FAM227B: variants seen among roughly 807,000 people sequenced by gnomAD.
FAM227B encodes protein FAM227B.
In FAM227B, 88 loss-of-function variants were observed where a neutral mutation model predicts 73.8. That is an observed-to-expected ratio of 1.19 (90% CI 1.00 to 1.42). The LOEUF is 1.42. Among genes scored for constraint, FAM227B ranks in the 40% most tolerant of loss-of-function variants. The pLI is 0.00. For synonymous variants in FAM227B, 210 were observed against 190.5 expected, an observed-to-expected ratio of 1.10 and a Z score of -0.84; for missense variants, 632 against 590.9, an observed-to-expected ratio of 1.07 and a Z score of -0.72.
chr15:49,421,207 T>G (rs2049599607), intron 11 of FAM227B, among the ~76,000 whole-genome samples: 1 of 152,242 alleles, frequency 6.6e-6, no homozygotes, highest in Non-Finnish European at 1.5e-5. Flanking sequence ...AAAGTTATTC[T>G]TAGTTCCTGG....
intron 11 of FAM227B, among the ~76,000 whole-genome samples, chr15:49,432,497 T>C (rs993273866): frequency 1.1e-4 from 16 of 151,694 alleles, no homozygotes; most frequent in Non-Finnish European, 2.2e-4. Context: ...ATAACACTCC[T>C]CCTCTCCCTC....
At position 49,577,674 on chromosome 15, in the gene FAM227B, A is replaced by G. The variant is rs746059928; in HGVS notation, c.406-10T>C. 6.6e-7 allele frequency: 1 copy of G among 1,526,430 alleles called. No individual in the cohort carries two copies. The highest frequency in any genetic ancestry group is 1.2e-5 in the South Asian group (1 of 83,866). 94.6% of individuals were successfully genotyped at this position (1,526,430 alleles called of 1,614,324 possible). ...CCATTTCATCTGAAAGCTGGAAAAC[A>G]TTTTAAATAAACTCTTTAAAACTCT... On this transcript the variant is annotated splice_polypyrimidine_tract_variant and intron_variant, in intron 5 of 15. Transcript: ENST00000299338.
intron 9 of FAM227B, among the ~76,000 whole-genome samples, chr15:49,553,477 T>C (rs1368823471): frequency 6.6e-6 from 1 of 152,194 alleles, no homozygotes; most frequent in Non-Finnish European, 1.5e-5. Flanking sequence ...AATCAGCAAG[T>C]GGCAAAGCCA....
At chr15:49,339,474 C>G (rs1402553342) in intron 13 of FAM227B, among the ~76,000 whole-genome samples, 2 of 152,226 alleles carry the variant, frequency 1.3e-5, no homozygotes, top group Non-Finnish European at 2.9e-5. Context: ...GTAAAGATTG[C>G]TGCCTGTTCC....
At chr15:49,453,741 T>G (rs189119499) in intron 11 of FAM227B, among the ~76,000 whole-genome samples, 179 of 152,290 alleles carry the variant, frequency 1.2e-3, no homozygotes, top group Non-Finnish European at 2.1e-3. Flanking sequence ...TGAGCTCTTG[T>G]TACATGTATC....
chr15:49,391,701 A>G (rs935717162), intron 11 of FAM227B, among the ~76,000 whole-genome samples: 10 of 152,098 alleles, frequency 6.6e-5, no homozygotes, highest in African/African-American at 2.4e-4. Flanking sequence ...CTCTGAATCC[A>G]CCTATGACCT....
chr15:49,333,523 C>T lies in FAM227B; in HGVS notation c.1350-1674G>A, dbSNP rs866256567. On this transcript the variant is annotated intron_variant, in intron 14 of 15. Coordinates refer to ENST00000299338, the MANE Select transcript of FAM227B (RefSeq NM_152647.3). ...TTTTTGGAAACTTGTAAGAGTCACC[C>T]GGAATGGAACCTTGTAACAGGTGTT... Among the ~76,000 whole-genome samples, 26 of 152,148 alleles carry T rather than the reference C, an allele frequency of 1.7e-4. No individual in the cohort carries two copies. In the Middle Eastern group the frequency reaches 0.01, roughly 60 times the overall value.
chr15:49,463,881 A>G (rs2054026098), intron 11 of FAM227B, among the ~76,000 whole-genome samples: 1 of 152,088 alleles, frequency 6.6e-6, no homozygotes. Context: ...CGTTTTTTAG[A>G]CTACTTCAAA....
chr15:49,593,586 A>AC (rs1488843443), intron 3 of FAM227B, among the ~76,000 whole-genome samples: 20 of 150,704 alleles, frequency 1.3e-4, no homozygotes, highest in Admixed American at 2.6e-4. Context: ...TTTGTACCTC[A>AC]ACCCCCGAAC....
chr15:49,533,291 A>G (rs1007820894), intron 10 of FAM227B, among the ~76,000 whole-genome samples: 7 of 151,984 alleles, frequency 4.6e-5, no homozygotes, highest in African/African-American at 1.7e-4. Flanking sequence ...TTGTGGCCCA[A>G]CATATGATCT....
Position 49,329,423 on chromosome 15 carries a change from A to C in FAM227B, c.1420-748T>G, listed in dbSNP as rs542311505. 13 of 984,944 alleles carry C rather than the reference A, an allele frequency of 1.3e-5. No individual in the cohort carries two copies. The East Asian group carries it at 1.4e-3, about 103-fold the overall frequency. The allele number at this position is 984,944 out of a possible 1,614,324, so 61.0% of individuals were successfully genotyped here. ...GGCATGAATTATCCAAAAAAATATC[A>C]GAATTACTTATTATTCTGTGATTTC... On this transcript the variant is annotated intron_variant, in intron 15 of 15. Coordinates refer to ENST00000299338, the MANE Select transcript of FAM227B (RefSeq NM_152647.3).
intron 11 of FAM227B, among the ~76,000 whole-genome samples, chr15:49,433,220 A>G (rs1320745480): frequency 5.3e-5 from 8 of 151,512 alleles, no homozygotes; most frequent in African/African-American, 1.2e-4. Flanking sequence ...CTGTGCCCCA[A>G]TTGCTTTTCT....
intron 11 of FAM227B, among the ~76,000 whole-genome samples, chr15:49,405,835 G>A (rs1206826564): frequency 6.6e-6 from 1 of 152,202 alleles, no homozygotes; most frequent in Non-Finnish European, 1.5e-5. Flanking sequence ...GGCTTTTTGA[G>A]TTGTCAGGGT....
chr15:49,333,371 T>A (rs10438273), intron 14 of FAM227B, among the ~76,000 whole-genome samples: 1 of 152,284 alleles, frequency 6.6e-6, no homozygotes, highest in African/African-American at 2.4e-5. Flanking sequence ...TATCCAAATA[T>A]GTATGTTTCA....
At chr15:49,395,729 G>T (rs577951953) in intron 11 of FAM227B, among the ~76,000 whole-genome samples, 1 of 152,230 alleles carries the variant, frequency 6.6e-6, no homozygotes, top group Non-Finnish European at 1.5e-5. Context: ...GTCTTTTACA[G>T]TTCTTACAGC....
At chr15:49,480,672 G>A (rs1222924193) in intron 11 of FAM227B, among the ~76,000 whole-genome samples, 7 of 151,996 alleles carry the variant, frequency 4.6e-5, no homozygotes, top group South Asian at 2.1e-4. Context: ...TAGTAGAAAC[G>A]GGGTTTCGCC....
intron 11 of FAM227B, among the ~76,000 whole-genome samples, chr15:49,499,932 T>C (rs997861151): frequency 1.3e-5 from 2 of 152,286 alleles, no homozygotes; most frequent in Non-Finnish European, 1.5e-5. Context: ...CCATGTGAAA[T>C]TGGGTTCACA....
At chr15:49,402,689 A>G (rs1364020364) in intron 11 of FAM227B, among the ~76,000 whole-genome samples, 2 of 152,174 alleles carry the variant, frequency 1.3e-5, no homozygotes, top group Non-Finnish European at 2.9e-5. Context: ...TTGGACTGAG[A>G]CAATGGGGTT....
intron 8 of FAM227B, among the ~76,000 whole-genome samples, chr15:49,574,297 G>C (rs555991655): frequency 1.8e-4 from 27 of 152,122 alleles, no homozygotes; most frequent in Admixed American, 1.7e-3. Flanking sequence ...TACCCCCTCT[G>C]ATATGGTTTG....
Sources: gnomAD v4.1 joint callset for allele counts (sites outside exome capture counted in the v4.1 genomes callset) on GRCh38, gnomAD v4.1.1 for gene constraint, MANE v1.5 for transcripts, NCBI Gene and HGNC (gene_info 2026-07-23, HGNC 2026-07-21) for gene names.